PCED1B: variants seen among roughly 807,000 people sequenced by gnomAD.
PCED1B encodes PC-esterase domain-containing protein 1B.
For synonymous variants in PCED1B, 251 were observed against 246.1 expected (o/e 1.02, Z -0.19); for missense variants, 573 against 573.9 (o/e 1.00, Z 0.02).
intron 2 of PCED1B, among the ~76,000 whole-genome samples, chr12:47,172,413 G>C (rs776927974): frequency 2.9e-5 from 4 of 135,900 alleles, no homozygotes; most frequent in Non-Finnish European, 6.1e-5. Flanking sequence ...AGGCTGCACT[G>C]AGCCGAGATT....
chr12:47,133,397 C>T (rs188411430), intron 2 of PCED1B, among the ~76,000 whole-genome samples: 59 of 152,196 alleles, frequency 3.9e-4, no homozygotes, highest in African/African-American at 1.2e-3. Flanking sequence ...GAAATAAAAT[C>T]GATACATGTT....
At chr12:47,172,713 C>A (rs1941791712) in intron 2 of PCED1B, among the ~76,000 whole-genome samples, 1 of 152,180 alleles carries the variant, frequency 6.6e-6, no homozygotes, top group Non-Finnish European at 1.5e-5. Context: ...TCCTCCAGAT[C>A]TCTTATTAGG....
intron 1 of PCED1B, among the ~76,000 whole-genome samples, chr12:47,088,217 G>A (rs1938081144): frequency 6.6e-6 from 1 of 152,222 alleles, no homozygotes; most frequent in Non-Finnish European, 1.5e-5. Context: ...CAGCACAGAT[G>A]TTTAACAAAT....
intron 2 of PCED1B, among the ~76,000 whole-genome samples, chr12:47,172,316 G>C (rs1056223856): frequency 9.1e-6 from 1 of 110,374 alleles, no homozygotes; most frequent in East Asian, 2.7e-4. Flanking sequence ...CCACTTGCTT[G>C]TTCAGTTAAA....
chr12:47,082,815 T>C (rs2137135775), intron 1 of PCED1B, among the ~76,000 whole-genome samples: 1 of 152,152 alleles, frequency 6.6e-6, no homozygotes, highest in African/African-American at 2.4e-5. Flanking sequence ...GCCAGGGTGG[T>C]TCCAACCTGG....
At chr12:47,228,326 C>A (rs564265272) in intron 3 of PCED1B, among the ~76,000 whole-genome samples, 1 of 152,082 alleles carries the variant, frequency 6.6e-6, no homozygotes, top group Non-Finnish European at 1.5e-5. Flanking sequence ...CCGTGCCCTG[C>A]CTGGGTTCTT....
At chr12:47,086,779 AATTTTGCCTCTCTGATAAATATGGATAAT>A (rs1938008091) in intron 1 of PCED1B, among the ~76,000 whole-genome samples, 2 of 152,204 alleles carry the variant, frequency 1.3e-5, no homozygotes, top group African/African-American at 4.8e-5. Context: ...AACTGGGGTT[AATTTTGCCTCTCTGATAAATATGGATAAT>A]ATTTAACAAA....
At chr12:47,222,793 C>G (rs1943524948) in intron 3 of PCED1B, among the ~76,000 whole-genome samples, 1 of 152,108 alleles carries the variant, frequency 6.6e-6, no homozygotes, top group Non-Finnish European at 1.5e-5. Context: ...AGGGGGCCAA[C>G]CCCAGAGCCC....
At chr12:47,220,308 A>T (rs919875515) in intron 3 of PCED1B, among the ~76,000 whole-genome samples, 5 of 152,016 alleles carry the variant, frequency 3.3e-5, no homozygotes, top group Non-Finnish European at 7.3e-5. Context: ...AATAGCTGGG[A>T]TTACAGGTGT....
chr12:47,145,148 T>C (rs896413677), intron 2 of PCED1B, among the ~76,000 whole-genome samples: 2 of 151,992 alleles, frequency 1.3e-5, no homozygotes, highest in Admixed American at 6.6e-5. Flanking sequence ...ATTTTAGAGG[T>C]CTGGATAGAT....
intron 2 of PCED1B, among the ~76,000 whole-genome samples, chr12:47,132,863 AT>A (rs140567815): frequency 1.3e-5 from 2 of 152,208 alleles, no homozygotes; most frequent in African/African-American, 4.8e-5. Context: ...TGTCTGTGGA[AT>A]TTTTGAAAGT....
At chr12:47,170,386 G>T (rs982678003) in intron 2 of PCED1B, among the ~76,000 whole-genome samples, 2 of 152,122 alleles carry the variant, frequency 1.3e-5, no homozygotes, top group African/African-American at 4.8e-5. Context: ...ATCATGGCCC[G>T]TTCTCAATGA....
intron 2 of PCED1B, among the ~76,000 whole-genome samples, chr12:47,131,761 C>T (rs1006082265): frequency 4.7e-5 from 7 of 150,246 alleles, no homozygotes; most frequent in Non-Finnish European, 5.9e-5. Context: ...CTTCGACTCC[C>T]TGGTTCAAGC....
chr12:47,092,827 T>A (rs972633864), intron 1 of PCED1B, among the ~76,000 whole-genome samples: 1 of 147,568 alleles, frequency 6.8e-6, no homozygotes, highest in African/African-American at 2.4e-5. Flanking sequence ...TTTTGAATGG[T>A]AAGCCACACT....
chr12:47,172,179 G>A (rs1405772368), intron 2 of PCED1B, among the ~76,000 whole-genome samples: 1 of 151,916 alleles, frequency 6.6e-6, no homozygotes, highest in East Asian at 1.9e-4. Flanking sequence ...TTTCTTCCAA[G>A]TCTGCTATCT....
intron 2 of PCED1B, among the ~76,000 whole-genome samples, chr12:47,122,488 T>G (rs17097618): frequency 0.03 from 4,532 of 152,314 alleles, 179 homozygotes; most frequent in African/African-American, 0.087. Flanking sequence ...ATAAATGTCT[T>G]CCTTATGTCC....
chr12:47,180,218 T>G (rs1942052076), intron 2 of PCED1B, among the ~76,000 whole-genome samples: 1 of 152,184 alleles, frequency 6.6e-6, no homozygotes, highest in African/African-American at 2.4e-5. Context: ...CCGTGTTAGT[T>G]TGCTGAGGAT....
At chr12:47,140,918 C>T (rs1940566615) in intron 2 of PCED1B, among the ~76,000 whole-genome samples, 1 of 152,220 alleles carries the variant, frequency 6.6e-6, no homozygotes, top group Non-Finnish European at 1.5e-5. Flanking sequence ...AGTGTATTCA[C>T]TGAAGTGGCC....
intron 1 of PCED1B, among the ~76,000 whole-genome samples, chr12:47,096,961 A>T (rs1189111003): frequency 6.6e-6 from 1 of 152,354 alleles, no homozygotes; most frequent in East Asian, 1.9e-4. Flanking sequence ...TTGATTTTTT[A>T]AATTAAGTAC....
Sources: gnomAD v4.1 joint callset for allele counts (sites outside exome capture counted in the v4.1 genomes callset) on GRCh38, gnomAD v4.1.1 for gene constraint, MANE v1.5 for transcripts, NCBI Gene and HGNC (gene_info 2026-07-23, HGNC 2026-07-21) for gene names.